The following FGF14 variants were observed in gnomAD, a reference collection of about 807,000 sequenced individuals.
The protein encoded by FGF14 is fibroblast growth factor 14.
Under a neutral mutation model 25.5 loss-of-function variants are expected in FGF14, and 5 were observed. The ratio of observed to expected loss-of-function variants is 0.20; its 90% confidence interval spans 0.10 to 0.41. The LOEUF (loss-of-function observed/expected upper bound fraction) is 0.41. FGF14 is among the 10% of genes least tolerant of loss of function. The pLI is 1.00. For missense variants in FGF14, 222 were observed against 320.1 expected (o/e 0.69, Z 2.34); for synonymous variants, 138 against 118.3 (o/e 1.17, Z -1.08).
At chr13:101,913,042 C>T (rs2033111394) in intron 1 of FGF14, among the ~76,000 whole-genome samples, 1 of 152,074 alleles carries the variant, frequency 6.6e-6, no homozygotes, top group Non-Finnish European at 1.5e-5. Context: ...TGAAATACCA[C>T]AGGAGAATTA....
At chr13:101,912,150 T>A (rs1413710546) in intron 1 of FGF14, among the ~76,000 whole-genome samples, 1 of 152,130 alleles carries the variant, frequency 6.6e-6, no homozygotes, top group South Asian at 2.1e-4. Context: ...AGCAAAGCAG[T>A]TTATTTCTAT....
intron 3 of FGF14, among the ~76,000 whole-genome samples, chr13:101,823,653 T>G (rs965855646): frequency 2.7e-5 from 4 of 150,516 alleles, no homozygotes; most frequent in African/African-American, 9.7e-5. Context: ...GTCAGGCTGG[T>G]CTCGAACTCC....
chr13:101,978,342 A>G (rs1448129696), intron 1 of FGF14, among the ~76,000 whole-genome samples: 4 of 152,088 alleles, frequency 2.6e-5, no homozygotes, highest in African/African-American at 9.7e-5. Flanking sequence ...CTATAATCAT[A>G]CTCTTTAATT....
At chr13:101,780,389 T>C (rs2039416812) in intron 3 of FGF14, among the ~76,000 whole-genome samples, 1 of 152,164 alleles carries the variant, frequency 6.6e-6, no homozygotes, top group Non-Finnish European at 1.5e-5. Flanking sequence ...CAGGCACTTG[T>C]GAATCACCAT....
intron 1 of FGF14, among the ~76,000 whole-genome samples, chr13:102,380,195 A>C (rs374894804): frequency 2.6e-5 from 4 of 152,086 alleles, no homozygotes; most frequent in South Asian, 2.1e-4. Flanking sequence ...AACTGACATT[A>C]CATGGAATGT....
At chr13:101,926,199 C>T (rs1047897003) in intron 1 of FGF14, among the ~76,000 whole-genome samples, 12 of 152,212 alleles carry the variant, frequency 7.9e-5, no homozygotes, top group Admixed American at 2.6e-4. Flanking sequence ...CACACCTACC[C>T]TGTATCCAAA....
chr13:102,303,241 G>A (rs1447012216), intron 1 of FGF14, among the ~76,000 whole-genome samples: 2 of 152,172 alleles, frequency 1.3e-5, no homozygotes, highest in Non-Finnish European at 2.9e-5. Context: ...AAATGTCAGT[G>A]AGGATTTCCT....
At chr13:101,756,392 T>A (rs941578112) in intron 3 of FGF14, among the ~76,000 whole-genome samples, 2 of 152,080 alleles carry the variant, frequency 1.3e-5, no homozygotes, top group African/African-American at 4.8e-5. Context: ...AGTTTAGTTG[T>A]TTTTTTTATT....
chr13:102,078,385 A>G lies in FGF14; in HGVS notation c.209-203089T>C, dbSNP rs117171240. Among the ~76,000 whole-genome samples, 18 of 152,344 alleles carry G rather than the reference A, an allele frequency of 1.2e-4. No individual in the cohort carries two copies. The East Asian group carries it at 2.3e-3, about 20-fold the overall frequency. On this transcript the variant is annotated intron_variant, in intron 1 of 4. Coordinates refer to the FGF14 transcript ENST00000376131. ...ATTTCAAAACAGCGTGATGTACACT[A>G]TAAAAATATACAGTTTTATTTGTCA...
At chr13:102,286,130 A>T (rs1446604551) in intron 1 of FGF14, among the ~76,000 whole-genome samples, 1 of 152,116 alleles carries the variant, frequency 6.6e-6, no homozygotes, top group East Asian at 1.9e-4. Context: ...CTCGTTCATG[A>T]ATGTTTTTAT....
At chr13:101,794,907 G>GA (rs2040434084) in intron 3 of FGF14, among the ~76,000 whole-genome samples, 1 of 151,950 alleles carries the variant, frequency 6.6e-6, no homozygotes, top group African/African-American at 2.4e-5. Context: ...AAAAATTATT[G>GA]AAAAATCTAC....
intron 3 of FGF14, among the ~76,000 whole-genome samples, chr13:101,745,017 CAAAG>C (rs1390128122): frequency 6.6e-6 from 1 of 151,948 alleles, no homozygotes; most frequent in Non-Finnish European, 1.5e-5. Flanking sequence ...GCAGAAATGA[CAAAG>C]AATCATATGC....
chr13:101,885,715 A>AAAG (rs2045954971), intron 1 of FGF14, among the ~76,000 whole-genome samples: 1 of 151,926 alleles, frequency 6.6e-6, no homozygotes, highest in Non-Finnish European at 1.5e-5. Context: ...AAAAAAAAAA[A>AAAG]AACTGCAGGG....
chr13:102,001,490 G>T (rs1445273026), intron 1 of FGF14, among the ~76,000 whole-genome samples: 1 of 152,212 alleles, frequency 6.6e-6, no homozygotes, highest in African/African-American at 2.4e-5. Context: ...GAGACCCTAA[G>T]TTCTGCCAGG....
intron 1 of FGF14, among the ~76,000 whole-genome samples, chr13:102,198,193 T>C (rs1021876563): frequency 7.2e-5 from 11 of 152,170 alleles, no homozygotes; most frequent in African/African-American, 2.7e-4. Flanking sequence ...GGGATGCTTT[T>C]TTAGGCACCA....
At chr13:101,839,102 A>G (rs867066207) in intron 3 of FGF14, among the ~76,000 whole-genome samples, 22 of 152,220 alleles carry the variant, frequency 1.4e-4, no homozygotes, top group Non-Finnish European at 2.2e-4. Context: ...AACATGAAAG[A>G]TGTGATAATA....
chr13:101,754,405 G>A (rs1486496152), intron 3 of FGF14, among the ~76,000 whole-genome samples: 1 of 152,134 alleles, frequency 6.6e-6, no homozygotes, highest in Non-Finnish European at 1.5e-5. Flanking sequence ...ATGTGTTTAA[G>A]CCATATCACT....
intron 3 of FGF14, among the ~76,000 whole-genome samples, chr13:101,794,566 A>T (rs1255744170): frequency 1.3e-5 from 2 of 152,006 alleles, no homozygotes; most frequent in South Asian, 2.1e-4. Flanking sequence ...ACAGCTTGAA[A>T]TTTTTTTCCT....
chr13:101,774,935 C>T (rs1051673046), intron 3 of FGF14, among the ~76,000 whole-genome samples: 5 of 148,770 alleles, frequency 3.4e-5, no homozygotes, highest in Admixed American at 2.0e-4. Context: ...TGCCATTGCC[C>T]TCCAGCCTGG....
Sources: gnomAD v4.1 joint callset for allele counts (sites outside exome capture counted in the v4.1 genomes callset) on GRCh38, gnomAD v4.1.1 for gene constraint, MANE v1.5 for transcripts, NCBI Gene and HGNC (gene_info 2026-07-23, HGNC 2026-07-21) for gene names.